Variants in LSS observed in about 807,000 individuals in gnomAD.
LSS encodes lanosterol synthase, also known as 2,3-epoxysqualene-lanosterol cyclase.
A neutral mutation model predicts 110.3 loss-of-function variants in LSS; 90 were observed. The observed-to-expected ratio is 0.82, with a 90% CI of 0.69 to 0.97. The LOEUF is 0.97. LSS is among the 50% of genes least tolerant of loss of function. The probability of loss-of-function intolerance (pLI) is 0.00; values close to 1 mark genes in which losing one functional copy is unlikely to be tolerated. For missense variants in LSS, 927 were observed against 990.0 expected (o/e 0.94, Z 0.85); for synonymous variants, 433 against 400.0 (o/e 1.08, Z -0.98).
In LSS at chr21:46,195,763, G is replaced by A; in HGVS notation, c.1737-7C>T. 1.2e-6 allele frequency: 2 copies of A among 1,612,510 alleles called. No individual in the cohort carries two copies. The highest frequency in any genetic ancestry group is 2.2e-5 in the South Asian group (2 of 91,046). Reference sequence around the variant, plus strand: ...GAAGCAAACTCCCCAGGAGCTGGAGGGAAACAGGGAGAGCCTCAGCCCTTC... The same window carrying A: ...GAAGCAAACTCCCCAGGAGCTGGAGAGAAACAGGGAGAGCCTCAGCCCTTC... On this transcript the variant is annotated splice_polypyrimidine_tract_variant and splice_region_variant and intron_variant, in intron 18 of 21. Coordinates refer to ENST00000397728, the MANE Select transcript of LSS (RefSeq NM_002340.6).
chr21:46,213,911 C>A, intron 9 of LSS, 76 bp from the exon 10 acceptor site: 1 of 1,002,780 alleles, frequency 1.0e-6, no homozygotes, highest in South Asian at 1.4e-5. Context: ...TCGTCCAGAT[C>A]CACAGCAGCC....
chr21:46,194,502 C>G lies in LSS; in HGVS notation c.1977G>C (p.Leu659=). The change falls in exon 20 of 22, where the codon CTG becomes CTC. Residue 659 remains leucine, a synonymous_variant. Transcript: ENST00000397728. The part of the protein sequence containing the change: ...IHNTCWAMMG[L]MAVRHPDIEA... ...CCCGTCGTCCCCACCGAACGGCCAT[C>G]AGCCCCATCATGGCCCAGCATGTGT... 2 of 1,613,706 alleles carry G rather than the reference C, an allele frequency of 1.2e-6. No homozygotes were observed. The highest frequency in any genetic ancestry group is 2.2e-5 in the South Asian group (2 of 91,080).
chr21:46,201,168 G>A (rs1355172464), intron 17 of LSS, among the ~76,000 whole-genome samples: 8 of 121,424 alleles, frequency 6.6e-5, no homozygotes, highest in Non-Finnish European at 1.0e-4. Flanking sequence ...CCTGGATCAC[G>A]TGGGAGGACA....
In LSS at chr21:46,227,548, C is replaced by G; in HGVS notation, c.319+4G>C. On this transcript the variant is annotated splice_donor_region_variant and intron_variant, in intron 3 of 21. Transcript: ENST00000397728. Reference sequence around the variant, plus strand: ...ACCATCAGGCTGGGGCAGCATACTCCTACCTGGCAGGAGGAAAAGTGGGCC... The same window carrying G: ...ACCATCAGGCTGGGGCAGCATACTCGTACCTGGCAGGAGGAAAAGTGGGCC... 1 of 1,613,972 alleles carries G rather than the reference C, an allele frequency of 6.2e-7. No homozygotes were observed. Among genetic ancestry groups the G allele is most frequent in the Non-Finnish European group, 8.5e-7 (1 of 1,179,970 alleles).
chr21:46,223,660 C>T lies in LSS; in HGVS notation c.320-922G>A, dbSNP rs574622711. On this transcript the variant is annotated intron_variant, in intron 3 of 21. Transcript: ENST00000397728. ...TTAGTTTGTAGTAATTACTCTTTAT[C>T]CCAATATTATAATAATCCTCGCTCT... Among the ~76,000 whole-genome samples, 6 of 152,280 alleles carry T rather than the reference C, an allele frequency of 3.9e-5. No individual in the cohort carries two copies. In the South Asian group the frequency reaches 8.3e-4, roughly 21 times the overall value.
In LSS at chr21:46,216,311, T is replaced by C. The variant is rs2080205810; in HGVS notation, c.783+78A>G. 1 of 1,579,830 alleles carries C rather than the reference T, an allele frequency of 6.3e-7. No individual in the cohort carries two copies. Among genetic ancestry groups the C allele is most frequent in the South Asian group, 1.1e-5 (1 of 90,178 alleles). On this transcript the variant is annotated intron_variant, in intron 7 of 21. Transcript: ENST00000397728. This position sits in a 1 kb window ranked among gnomAD's most constrained non-coding sequence, Gnocchi z 4.2. ...GGGCCACCAGGTGAGTGGACAGGTG[T>C]GGTTAGATTCCAGAAGCCCCAGGCC...
At chr21:46,210,855 G>T in intron 11 of LSS, 111 bp from the exon 12 acceptor site, 1 of 983,268 alleles carries the variant, frequency 1.0e-6, no homozygotes. Context: ...CTCCCACCCA[G>T]CCAACGCTCA....
chr21:46,223,769 C>T (rs1223951458), intron 3 of LSS, among the ~76,000 whole-genome samples: 3 of 152,296 alleles, frequency 2.0e-5, no homozygotes, highest in East Asian at 1.9e-4. Flanking sequence ...GACAGGAGTG[C>T]GAGCCTTCTG....
intron 8 of LSS, among the ~76,000 whole-genome samples, 186 bp from the exon 9 acceptor site, chr21:46,215,484 C>T (rs1018235820): frequency 6.6e-6 from 1 of 151,642 alleles, no homozygotes; most frequent in African/African-American, 2.4e-5. Context: ...TACCACACAC[C>T]CTTGCACAGG....
chr21:46,222,019 C>T, intron 4 of LSS, 44 bp from the exon 5 acceptor site: 1 of 1,601,360 alleles, frequency 6.2e-7, no homozygotes, highest in Non-Finnish European at 8.5e-7. Flanking sequence ...TCTGTCCTTA[C>T]TTCTAAGAAA....
intron 17 of LSS, among the ~76,000 whole-genome samples, chr21:46,198,191 C>T (rs1243371986): frequency 6.6e-6 from 1 of 151,740 alleles, no homozygotes; most frequent in East Asian, 1.9e-4. Flanking sequence ...TCCTTAAGCC[C>T]AGGAGTTTGA....
rs771160542 is a variant in LSS at position 46,188,620 on chromosome 21, A to G, written c.*2484T>C. 1 of 470,850 alleles carries G rather than the reference A, an allele frequency of 2.1e-6. No individual in the cohort carries two copies. The highest frequency in any genetic ancestry group is 1.5e-5 in the South Asian group (1 of 64,526). 29.2% of individuals were successfully genotyped at this position (470,850 alleles called of 1,614,324 possible). The stretch of plus-strand genomic sequence containing the variant: ...ACCGAGAAGCCGACGGGGGAGGAAC[A>G]GACTCCTCTGCATTGTGATCCAATT... On this transcript the variant is annotated 3_prime_UTR_variant, in exon 22 of 22. Coordinates refer to ENST00000397728, the MANE Select transcript of LSS (RefSeq NM_002340.6).
At position 46,190,988 on chromosome 21, in the gene LSS, G is replaced by A; in HGVS notation, c.*116C>T. ...CTGGCCCCCAGATTCACATCTATGA[G>A]ATAGAGGTTGAGGGGTTGGAGCCCA... On this transcript the variant is annotated 3_prime_UTR_variant, in exon 22 of 22. Coordinates refer to ENST00000397728, the MANE Select transcript of LSS (RefSeq NM_002340.6). This position sits in a 1 kb window ranked among gnomAD's most constrained non-coding sequence, Gnocchi z 4.6. 2 of 1,235,484 alleles carry A rather than the reference G, an allele frequency of 1.6e-6. No homozygotes were observed. The allele number at this position is 1,235,484 out of a possible 1,614,324, so 76.5% of individuals were successfully genotyped here.
In LSS at chr21:46,189,051, AG is replaced by A. The variant is rs1228376770; in HGVS notation, c.*2052del. On this transcript the variant is annotated 3_prime_UTR_variant, in exon 22 of 22. Transcript: ENST00000397728. ...TGGGCCTCCCACTCGCCCCACAGGC[AG>A]GTGACGTATGACAGCCAGAAACCCC... 3.4e-6 allele frequency: 1 copy of A among 289,942 alleles called. No homozygotes were observed. The highest frequency in any genetic ancestry group is 6.8e-6 in the Non-Finnish European group (1 of 146,122). The allele number at this position is 289,942 out of a possible 1,614,324, so 18.0% of individuals were successfully genotyped here.
At chr21:46,223,055 G>A (rs2080297171) in intron 3 of LSS, among the ~76,000 whole-genome samples, 1 of 152,318 alleles carries the variant, frequency 6.6e-6, no homozygotes, top group Non-Finnish European at 1.5e-5. Flanking sequence ...TCCCCCAAGT[G>A]CCCTGAAGGT....
chr21:46,222,526 A>C, intron 4 of LSS, 104 bp downstream of exon 4: 3 of 967,280 alleles, frequency 3.1e-6, no homozygotes, highest in Non-Finnish European at 4.7e-6. Flanking sequence ...CCACAGCTGC[A>C]ATCACTCCTA....
chr21:46,194,128 G>T (rs1460141228), intron 20 of LSS, among the ~76,000 whole-genome samples: 1 of 152,208 alleles, frequency 6.6e-6, no homozygotes, highest in Non-Finnish European at 1.5e-5. Context: ...TAGGGCCACA[G>T]AGAGCAGCTG....
At chr21:46,196,032 C>T (rs1035759430) in intron 18 of LSS, among the ~76,000 whole-genome samples, 170 bp downstream of exon 18, 6 of 152,256 alleles carry the variant, frequency 3.9e-5, no homozygotes, top group African/African-American at 9.6e-5. Flanking sequence ...GCAAAGGCCA[C>T]GCATGCCACA....
Position 46,207,461 on chromosome 21 carries a change from G to C in LSS, c.1434C>G (p.Ile478Met), listed in dbSNP as rs2080067233. 1.2e-6 allele frequency: 2 copies of C among 1,612,462 alleles called. No homozygotes were observed. The highest frequency in any genetic ancestry group is 1.7e-6 in the Non-Finnish European group (2 of 1,179,598). The change falls in exon 15 of 22, where the codon ATC (isoleucine) becomes ATG (methionine). Residue 478 changes from isoleucine (I) to methionine (M), a missense_variant. Ile to Met is a conservative substitution (Grantham distance 10). Transcript: ENST00000397728. ...CAGCATCGCAGAGCCGTTCTCTGGGGATGTGCTCGGTGACATGGGGACACT... is the reference window on the plus strand; with the variant it reads ...CAGCATCGCAGAGCCGTTCTCTGGGCATGTGCTCGGTGACATGGGGACACT... ...QEKCPHVTEH[I>M]PRERLCDAVA...
Sources: gnomAD v4.1 joint callset for allele counts (sites outside exome capture counted in the v4.1 genomes callset) on GRCh38, gnomAD v4.1.1 for gene constraint, Gnocchi (gnomAD v3.1) non-coding constraint, MANE v1.5 for transcripts, NCBI Gene and HGNC (gene_info 2026-07-23, HGNC 2026-07-21) for gene names.